GRK5: variants seen among roughly 807,000 people sequenced by gnomAD.
GRK5 encodes the protein G protein-coupled receptor kinase 5.
Under a neutral mutation model 78.4 loss-of-function variants are expected in GRK5, and 40 were observed. The ratio of observed to expected loss-of-function variants is 0.51; its 90% confidence interval spans 0.40 to 0.66. GRK5 has a LOEUF of 0.66. GRK5 is among the 30% of genes least tolerant of loss of function. The probability of loss-of-function intolerance (pLI) is 0.00; values close to 1 mark genes in which losing one functional copy is unlikely to be tolerated. For missense variants in GRK5, 598 were observed against 759.9 expected (o/e 0.79, Z 2.50); for synonymous variants, 289 against 296.8 (o/e 0.97, Z 0.27).
At chr10:119,446,847 C>G (rs1219495722) in intron 12 of GRK5, among the ~76,000 whole-genome samples, 1 of 152,230 alleles carries the variant, frequency 6.6e-6, no homozygotes, top group African/African-American at 2.4e-5. Context: ...CTCACTCTCC[C>G]CGGCGTCCCC....
chr10:119,393,886 GTA>G (rs1851927801), intron 3 of GRK5, among the ~76,000 whole-genome samples: 1 of 151,958 alleles, frequency 6.6e-6, no homozygotes, highest in Non-Finnish European at 1.5e-5. Flanking sequence ...GTGGGTGTCT[GTA>G]TGTGTGTGTG....
rs1200177458 is a variant in GRK5, at chr10:119,448,169, G to A, written c.1313G>A (p.Gly438Glu). The A allele has an allele frequency of 6.3e-7, 1 of 1,578,372 alleles. No homozygotes were observed. Among genetic ancestry groups the A allele is most frequent in the South Asian group, 1.2e-5 (1 of 85,736 alleles). ...AKQRLGCQEE[G>E]AAEVKRHPFF... is the part of the protein sequence containing the mutation. ...CAGAGGCTGGGCTGCCAGGAGGAGG[G>A]GGCTGCAGAGGTCAAGAGACACCCC... The change falls in exon 13 of 16, where the codon GGG (glycine) becomes GAG (glutamate). Residue 438 changes from glycine to glutamate, a missense_variant. Physicochemically the swap from Gly to Glu is moderately conservative, Grantham distance 98. Coordinates refer to ENST00000392870, the MANE Select transcript of GRK5 (RefSeq NM_005308.3).
At chr10:119,244,663 G>A (rs530338711) in intron 1 of GRK5, among the ~76,000 whole-genome samples, 1 of 152,292 alleles carries the variant, frequency 6.6e-6, no homozygotes, top group South Asian at 2.1e-4. Flanking sequence ...GGACCCAGGA[G>A]GTCGAAGCTG....
chr10:119,336,299 C>T lies in GRK5; in HGVS notation c.148+9688C>T, dbSNP rs1176494229. 1.3e-5 allele frequency: 2 copies of T among 152,282 alleles called. No individual in the cohort carries two copies. Among genetic ancestry groups the T allele is most frequent in the African/African-American group, 4.8e-5 (2 of 41,452 alleles). 9.4% of individuals were successfully genotyped at this position (152,282 alleles called of 1,614,324 possible). A position where few individuals can be genotyped will look rare whatever the true frequency, so the allele number is the denominator to read the frequency against. ...CCAGGGAAGCTGGAAGCATCACACT[C>T]TGCCCAGGCCCCTGCTCTGGCCCAG... On this transcript the variant is annotated intron_variant, in intron 2 of 15. Coordinates refer to ENST00000392870, the MANE Select transcript of GRK5 (RefSeq NM_005308.3). The surrounding 1 kb of genome is among the most constrained non-coding windows in gnomAD (Gnocchi z 4.5).
chr10:119,365,488 A>AG (rs899051094), intron 2 of GRK5, among the ~76,000 whole-genome samples: 12 of 152,098 alleles, frequency 7.9e-5, no homozygotes, highest in Non-Finnish European at 1.8e-4. Flanking sequence ...AGGTCCTGGG[A>AG]GGGGGTTTGG....
rs533488194 is a variant in GRK5, at chr10:119,431,615, G to A, written c.738+88G>A. On this transcript the variant is annotated intron_variant, in intron 8 of 15. Coordinates refer to ENST00000392870, the MANE Select transcript of GRK5 (RefSeq NM_005308.3). The surrounding 1 kb of genome is among the most constrained non-coding windows in gnomAD (Gnocchi z 4.8). ...CCGGAAGGGCGTGGTCCTCTAATGC[G>A]GCCGGTCCCCACCCCTGGGAAGGGG... 3.3e-5 allele frequency: 49 copies of A among 1,475,860 alleles called. 1 individual carries two copies. The South Asian group carries it at 4.6e-4, about 14-fold the overall frequency. The allele number at this position is 1,475,860 out of a possible 1,614,324, so 91.4% of individuals were successfully genotyped here. A position where few individuals can be genotyped will look rare whatever the true frequency, so the allele number is the denominator to read the frequency against.
intron 1 of GRK5, among the ~76,000 whole-genome samples, chr10:119,211,145 C>T (rs761595132): frequency 2.0e-4 from 30 of 151,996 alleles, no homozygotes; most frequent in Non-Finnish European, 3.4e-4. Flanking sequence ...TATTTTGGGG[C>T]CTGTTTATTT....
At position 119,290,367 on chromosome 10, in the gene GRK5, A is replaced by AAAAAC. The variant is rs1554903196; in HGVS notation, c.53-36146_53-36145insACAAA. On this transcript the variant is annotated intron_variant, in intron 1 of 15. Transcript: ENST00000392870. ...GTCTCAAAAAAAAAAAAAAAAACAA[A>AAAAAC]AAACAACTCTGTCCCCTTCTCCCTG... 3.0e-3 allele frequency among the ~76,000 whole-genome samples: 414 copies of AAAAAC among 137,498 alleles called. 3 individuals carry two copies. Among genetic ancestry groups the AAAAAC allele is most frequent in the Non-Finnish European group, 4.2e-3 (268 of 63,136 alleles). 90.2% of individuals were successfully genotyped at this position (137,498 alleles called of 152,430 possible). A position where few individuals can be genotyped will look rare whatever the true frequency, so the allele number is the denominator to read the frequency against.
At chr10:119,420,098 C>A (rs997728383) in intron 4 of GRK5, among the ~76,000 whole-genome samples, 2 of 152,142 alleles carry the variant, frequency 1.3e-5, no homozygotes, top group Non-Finnish European at 2.9e-5. Flanking sequence ...CTGAGTGACC[C>A]TGAGAAAATT....
At chr10:119,278,624 T>C (rs965822144) in intron 1 of GRK5, among the ~76,000 whole-genome samples, 12 of 152,154 alleles carry the variant, frequency 7.9e-5, no homozygotes, top group Non-Finnish European at 1.8e-4. Context: ...CTCTCCCTCC[T>C]CTTTTCTTCT....
At chr10:119,266,229 G>T (rs1849494286) in intron 1 of GRK5, among the ~76,000 whole-genome samples, 1 of 152,172 alleles carries the variant, frequency 6.6e-6, no homozygotes, top group South Asian at 2.1e-4. Context: ...GCCGAGGTGG[G>T]CAGATCACCT....
At chr10:119,417,883 C>A (rs1165170890) in intron 4 of GRK5, among the ~76,000 whole-genome samples, 5 of 152,054 alleles carry the variant, frequency 3.3e-5, no homozygotes, top group Non-Finnish European at 7.4e-5. Flanking sequence ...CCTGTGGTGC[C>A]CAGAAAAACA....
Position 119,431,341 on chromosome 10 carries a change from GC to G in GRK5, c.598-44del, listed in dbSNP as rs1384162791. 9.4e-6 allele frequency: 15 copies of G among 1,587,790 alleles called. No individual in the cohort carries two copies. The highest frequency in any genetic ancestry group is 1.3e-5 in the Non-Finnish European group (15 of 1,167,076). ...CCCGCCCTGGAGGAGCTCGGGGCAGGCCTCCACGGTGCTCCTGCCACCCTGG... is the reference window on the plus strand; with the variant it reads ...CCCGCCCTGGAGGAGCTCGGGGCAGGCTCCACGGTGCTCCTGCCACCCTGG... On this transcript the variant is annotated intron_variant, in intron 7 of 15. Coordinates refer to ENST00000392870, the MANE Select transcript of GRK5 (RefSeq NM_005308.3). This position sits in a 1 kb window ranked among gnomAD's most constrained non-coding sequence, Gnocchi z 4.8.
chr10:119,291,702 A>C (rs1436967822), intron 1 of GRK5, among the ~76,000 whole-genome samples: 38 of 83,468 alleles, frequency 4.6e-4, no homozygotes, highest in Admixed American at 5.6e-4. Context: ...CCTCTTCCTG[A>C]TCCTCCTCCT....
In GRK5 at chr10:119,207,745, A is replaced by G. The variant is rs1272390784; in HGVS notation, c.-173A>G. 2.4e-5 allele frequency: 14 copies of G among 577,888 alleles called. No individual in the cohort carries two copies. The highest frequency in any genetic ancestry group is 8.3e-5 in the African/African-American group (4 of 48,218). The allele number at this position is 577,888 out of a possible 1,614,324, so 35.8% of individuals were successfully genotyped here. A position where few individuals can be genotyped will look rare whatever the true frequency, so the allele number is the denominator to read the frequency against. On this transcript the variant is annotated 5_prime_UTR_variant, in exon 1 of 16. Coordinates refer to ENST00000392870, the MANE Select transcript of GRK5 (RefSeq NM_005308.3). ...GGCGGCGGCGGCGGCTCCTCTTTGC[A>G]GAGGGGGAAACTCTTGGGCTGAGAG...
In GRK5 at chr10:119,310,157, G is replaced by A. The variant is rs189884095; in HGVS notation, c.53-16359G>A. On this transcript the variant is annotated intron_variant, in intron 1 of 15. Coordinates refer to ENST00000392870, the MANE Select transcript of GRK5 (RefSeq NM_005308.3). ...TTTGTTTAGCTTCTTTGAAATAGGGGATGCAAAAATTCTGGGGAGAGCGGA... is the reference window on the plus strand; with the variant it reads ...TTTGTTTAGCTTCTTTGAAATAGGGAATGCAAAAATTCTGGGGAGAGCGGA... Among the ~76,000 whole-genome samples the A allele has an allele frequency of 3.0e-3, 450 of 152,320 alleles. 3 individuals carry two copies. Among genetic ancestry groups the A allele is most frequent in the African/African-American group, 0.01 (427 of 41,562 alleles).
chr10:119,222,190 C>T (rs919878029), intron 1 of GRK5, among the ~76,000 whole-genome samples: 14 of 152,148 alleles, frequency 9.2e-5, no homozygotes, highest in Non-Finnish European at 1.5e-4. Flanking sequence ...CAAGGAGCCA[C>T]TTCCCCTTGT....
intron 2 of GRK5, among the ~76,000 whole-genome samples, chr10:119,329,957 G>A (rs1850741573): frequency 6.7e-6 from 1 of 150,082 alleles, no homozygotes; most frequent in Admixed American, 6.7e-5. Flanking sequence ...CTGCCTCCTG[G>A]GTTCAAGCAA....
At chr10:119,343,959 C>T (rs557975158) in intron 2 of GRK5, among the ~76,000 whole-genome samples, 91 of 152,272 alleles carry the variant, frequency 6.0e-4, no homozygotes, top group African/African-American at 2.1e-3. Flanking sequence ...GTACCATAAA[C>T]AGCCTCCACT....
Sources: allele counts gnomAD v4.1 joint callset (sites outside exome capture counted in the v4.1 genomes callset), GRCh38; gene constraint gnomAD v4.1.1; non-coding constraint Gnocchi (gnomAD v3.1); transcripts MANE v1.5; gene names NCBI Gene and HGNC (gene_info 2026-07-23, HGNC 2026-07-21).